RAD54L2: variants seen among roughly 807,000 people sequenced by gnomAD.
RAD54L2 encodes the protein helicase ARIP4.
In RAD54L2, 27 loss-of-function variants were observed where a neutral mutation model predicts 138.4. The observed-to-expected ratio is 0.20, with a 90% CI of 0.14 to 0.27. The LOEUF is 0.27. RAD54L2 is among the 10% of genes least tolerant of loss of function. RAD54L2 has a pLI of 1.00. For synonymous variants in RAD54L2, 644 were observed against 723.2 expected, an observed-to-expected ratio of 0.89 and a Z score of 1.76; for missense variants, 1,396 against 1,890.2, an observed-to-expected ratio of 0.74 and a Z score of 4.85.
Position 51,638,017 on chromosome 3 carries a change from G to T in RAD54L2, c.1683-127G>T. On this transcript the variant is annotated intron_variant, in intron 11 of 22. Coordinates refer to ENST00000684192, the MANE Select transcript of RAD54L2 (RefSeq NM_015106.4). The surrounding 1 kb of genome is among the most constrained non-coding windows in gnomAD (Gnocchi z 4.3). Reference sequence around the variant, plus strand: ...GTTGAACCACTCTGCATTATTGCAAGGCTGCAGTGCATGTTGAGATCCTCA... The same window carrying T: ...GTTGAACCACTCTGCATTATTGCAATGCTGCAGTGCATGTTGAGATCCTCA... 1.2e-6 allele frequency: 1 copy of T among 839,524 alleles called. No individual in the cohort carries two copies. The highest frequency in any genetic ancestry group is 2.7e-5 in the East Asian group (1 of 37,486). 52.0% of individuals were successfully genotyped at this position (839,524 alleles called of 1,614,324 possible).
At chr3:51,617,949 T>G (rs1471530088) in intron 3 of RAD54L2, among the ~76,000 whole-genome samples, 1 of 151,962 alleles carries the variant, frequency 6.6e-6, no homozygotes, top group Non-Finnish European at 1.5e-5. Context: ...TACATACATG[T>G]TTCTAGATAT....
intron 13 of RAD54L2, 75 bp downstream of exon 13, chr3:51,639,745 G>A: frequency 1.3e-6 from 2 of 1,574,442 alleles, no homozygotes; most frequent in African/African-American, 2.7e-5. Flanking sequence ...CTGGGGAAGG[G>A]GTAGGGATGC....
intron 3 of RAD54L2, 27 bp from the exon 4 acceptor site, chr3:51,627,526 G>A (rs1700718968): frequency 6.5e-7 from 1 of 1,545,290 alleles, no homozygotes; most frequent in Non-Finnish European, 8.7e-7. Context: ...CCCCTATAAA[G>A]CAATGTCTTT....
chr3:51,634,086 C>G, intron 9 of RAD54L2, 51 bp downstream of exon 9: 1 of 1,584,748 alleles, frequency 6.3e-7, no homozygotes, highest in South Asian at 1.1e-5. Context: ...GACTTCTGTC[C>G]GTGATCTGAT....
At chr3:51,631,508 T>C (rs1224120550) in intron 7 of RAD54L2, among the ~76,000 whole-genome samples, 4 of 138,876 alleles carry the variant, frequency 2.9e-5, no homozygotes, top group Non-Finnish European at 6.3e-5. Context: ...ACCCAGCCAA[T>C]TTTTTTTTTT....
rs896903663 is a variant in RAD54L2, at chr3:51,646,444, A to G, written c.2989A>G (p.Ser997Gly). ...GCAGTATTACCCTGCCAGCGATCAG[A>G]GCCTGACCAGCATCCCCGCCTTCAG... ...YAQYYPASDQ[S>G]LTSIPAFSQR... Residue 997 changes from serine (S) to glycine (G), a missense_variant, in exon 19 of 23, where the codon AGC (serine) becomes GGC (glycine). Physicochemically the swap from Ser to Gly is moderately conservative, Grantham distance 56 (BLOSUM62 0). Transcript: ENST00000684192. The G allele has an allele frequency of 6.2e-7, 1 of 1,612,446 alleles. No individual in the cohort carries two copies. The highest frequency in any genetic ancestry group is 1.3e-5 in the African/African-American group (1 of 74,874).
intron 2 of RAD54L2, 113 bp from the exon 3 acceptor site, chr3:51,590,254 G>A (rs983727187): frequency 2.2e-5 from 16 of 724,712 alleles, no homozygotes; most frequent in Non-Finnish European, 2.5e-5. Context: ...ACCTCCCAAA[G>A]TGCTGGGATT....
intron 2 of RAD54L2, among the ~76,000 whole-genome samples, chr3:51,551,197 A>G (rs1698828267): frequency 1.3e-5 from 2 of 151,848 alleles, no homozygotes; most frequent in Admixed American, 6.6e-5. Context: ...CAGTGGCATG[A>G]TGATAGCTCT....
At chr3:51,589,303 A>G (rs549354716) in intron 2 of RAD54L2, among the ~76,000 whole-genome samples, 140 of 152,312 alleles carry the variant, frequency 9.2e-4, no homozygotes, top group African/African-American at 3.3e-3. Context: ...GGTCTTAGGC[A>G]GAAGGATTGC....
intron 3 of RAD54L2, among the ~76,000 whole-genome samples, chr3:51,618,365 GT>G (rs1293146507): frequency 6.6e-6 from 1 of 151,896 alleles, no homozygotes; most frequent in African/African-American, 2.4e-5. Context: ...CATTTTACCA[GT>G]TTTTTTCTTT....
intron 3 of RAD54L2, among the ~76,000 whole-genome samples, chr3:51,607,902 C>G (rs1227978078): frequency 6.8e-6 from 1 of 147,968 alleles, no homozygotes; most frequent in Non-Finnish European, 1.5e-5. Flanking sequence ...CCCCACCTCC[C>G]GGACGGGGCG....
intron 3 of RAD54L2, among the ~76,000 whole-genome samples, chr3:51,598,120 T>A (rs1700006353): frequency 7.3e-6 from 1 of 136,416 alleles, no homozygotes; most frequent in African/African-American, 3.1e-5. Context: ...TGTGTGTGTG[T>A]ATATATATAT....
intron 19 of RAD54L2, among the ~76,000 whole-genome samples, chr3:51,654,134 G>A (rs1577465545): frequency 6.7e-6 from 1 of 148,982 alleles, no homozygotes; most frequent in Non-Finnish European, 1.5e-5. Context: ...TGCAACCTTC[G>A]CTTCCTGGGT....
At chr3:51,629,294 T>G in intron 4 of RAD54L2, 40 bp from the exon 5 acceptor site, 3 of 1,558,214 alleles carry the variant, frequency 1.9e-6, no homozygotes, top group Non-Finnish European at 2.6e-6. Context: ...TGCCCAAATC[T>G]TAATTGAACC....
chr3:51,587,245 C>G (rs568290717), intron 2 of RAD54L2, among the ~76,000 whole-genome samples: 12 of 152,036 alleles, frequency 7.9e-5, no homozygotes, highest in Admixed American at 5.9e-4. Context: ...GGACTACAGG[C>G]GCCCGCCACC....
At chr3:51,540,391 C>T (rs1216398765) in intron 1 of RAD54L2, among the ~76,000 whole-genome samples, 2 of 152,174 alleles carry the variant, frequency 1.3e-5, no homozygotes, top group Non-Finnish European at 2.9e-5. Flanking sequence ...AAGTATTATC[C>T]ATCTTCAATG....
Position 51,590,492 on chromosome 3 carries a change from G to C in RAD54L2, c.72G>C (p.Glu24Asp), listed in dbSNP as rs1463927751. 1 of 1,471,878 alleles carries C rather than the reference G, an allele frequency of 6.8e-7. No homozygotes were observed. Among genetic ancestry groups the C allele is most frequent in the Admixed American group, 2.1e-5 (1 of 46,992 alleles). 91.2% of individuals were successfully genotyped at this position (1,471,878 alleles called of 1,614,324 possible). Residue 24 changes from glutamate (E) to aspartate (D), a missense_variant, in exon 3 of 23, where the codon GAG (glutamate) becomes GAC (aspartate). Physicochemically the swap from Glu to Asp is conservative, Grantham distance 45. Transcript: ENST00000684192. Reference sequence around the variant, plus strand: ...ACGTGGAGCTGGAGGATGCGGAAGAGGAGGAGGAGGAGGAGGAGGTGGCAG... The same window carrying C: ...ACGTGGAGCTGGAGGATGCGGAAGACGAGGAGGAGGAGGAGGAGGTGGCAG... ...DPDVELEDAE[E>D]EEEEEEVAVE...
chr3:51,609,750 C>T (rs1559635486), intron 3 of RAD54L2, among the ~76,000 whole-genome samples: 1 of 149,298 alleles, frequency 6.7e-6, no homozygotes, highest in African/African-American at 2.5e-5. Flanking sequence ...GGTTTGTAGT[C>T]TCAGTGTTTC....
At chr3:51,619,386 G>GT (rs1227690836) in intron 3 of RAD54L2, among the ~76,000 whole-genome samples, 1 of 152,052 alleles carries the variant, frequency 6.6e-6, no homozygotes, top group Non-Finnish European at 1.5e-5. Context: ...TTTTGAGACT[G>GT]TAACAAAAGG....
Sources: allele counts gnomAD v4.1 joint callset (sites outside exome capture counted in the v4.1 genomes callset), GRCh38; gene constraint gnomAD v4.1.1; non-coding constraint Gnocchi (gnomAD v3.1); transcripts MANE v1.5; gene names NCBI Gene and HGNC (gene_info 2026-07-23, HGNC 2026-07-21).